The following ADAMTS6 variants were observed in gnomAD, a reference collection of about 807,000 sequenced individuals.
ADAMTS6 encodes the protein ADAM metallopeptidase with thrombospondin type 1 motif 6, also known as A disintegrin and metalloproteinase with thrombospondin motifs 6.
A neutral mutation model predicts 144.3 loss-of-function variants in ADAMTS6; 23 were observed. The observed-to-expected ratio is 0.16, with a 90% CI of 0.11 to 0.23. The LOEUF (loss-of-function observed/expected upper bound fraction) is 0.23, where lower values mean the gene tolerates loss of function less well. Ranked by LOEUF, ADAMTS6 falls within the 10% of genes least tolerant of loss-of-function variation. ADAMTS6 has a pLI of 1.00. For missense variants in ADAMTS6, 999 were observed against 1,379.6 expected (o/e 0.72, Z 4.37); for synonymous variants, 444 against 457.5 (o/e 0.97, Z 0.38).
chr5:65,327,672 A>T (rs1746301330), intron 9 of ADAMTS6, among the ~76,000 whole-genome samples: 1 of 152,206 alleles, frequency 6.6e-6, no homozygotes, highest in African/African-American at 2.4e-5. Context: ...TTTACCTATA[A>T]GGCCAACAAC....
intron 9 of ADAMTS6, among the ~76,000 whole-genome samples, chr5:65,305,026 C>T (rs1743792745): frequency 6.6e-6 from 1 of 150,824 alleles, no homozygotes; most frequent in Non-Finnish European, 1.5e-5. Context: ...CTAATTAGAC[C>T]ATTGTATGAC....
chr5:65,359,509 T>TA (rs1749630199), intron 7 of ADAMTS6, among the ~76,000 whole-genome samples: 1 of 152,132 alleles, frequency 6.6e-6, no homozygotes, highest in Non-Finnish European at 1.5e-5. Context: ...CTCCAAATTT[T>TA]AAAATTGTAA....
chr5:65,367,365 A>G (rs1359998831), intron 7 of ADAMTS6, among the ~76,000 whole-genome samples: 1 of 152,194 alleles, frequency 6.6e-6, no homozygotes, highest in Non-Finnish European at 1.5e-5. Context: ...TATGGGTACA[A>G]TATTGCACTT....
chr5:65,446,677 T>C (rs1561549251), intron 7 of ADAMTS6, among the ~76,000 whole-genome samples: 1 of 152,162 alleles, frequency 6.6e-6, no homozygotes, highest in Non-Finnish European at 1.5e-5. Context: ...TTGAAAACAC[T>C]GTGCTAAGTA....
intron 7 of ADAMTS6, chr5:65,416,281 GAC>G (rs1204865949): frequency 6.5e-6 from 1 of 153,164 alleles, no homozygotes; most frequent in Non-Finnish European, 1.5e-5. Context: ...TTTTTTTAAA[GAC>G]ACAATAACAA....
chr5:65,348,837 T>C (rs926068477), intron 7 of ADAMTS6, among the ~76,000 whole-genome samples: 1 of 152,072 alleles, frequency 6.6e-6, no homozygotes, highest in Admixed American at 6.5e-5. Flanking sequence ...ATTTTTTAAA[T>C]ACAAAAAATA....
At position 65,356,354 on chromosome 5, in the gene ADAMTS6, TCCC is replaced by T. The variant is rs543673555; in HGVS notation, c.1074-22272_1074-22270del. Among the ~76,000 whole-genome samples, 796 of 151,958 alleles carry T rather than the reference TCCC, an allele frequency of 5.2e-3. 9 individuals are homozygous for T. Among genetic ancestry groups the T allele is most frequent in the African/African-American group, 0.019 (774 of 41,516 alleles). On this transcript the variant is annotated intron_variant, in intron 7 of 24. Transcript: ENST00000381055. ...AAACTAGCTGTCATCAATAGAAAGA[TCCC>T]TAATTTTGGCAAACAGGAGAACTCC...
intron 22 of ADAMTS6, among the ~76,000 whole-genome samples, chr5:65,177,746 C>T (rs918160916): frequency 1.3e-5 from 2 of 152,210 alleles, no homozygotes; most frequent in African/African-American, 2.4e-5. Flanking sequence ...TGGTTGGAGT[C>T]GATCAAATAT....
intron 7 of ADAMTS6, among the ~76,000 whole-genome samples, chr5:65,350,063 T>C (rs765391802): frequency 6.6e-6 from 1 of 152,202 alleles, no homozygotes; most frequent in Non-Finnish European, 1.5e-5. Context: ...AATGCTAAAA[T>C]ACGTGTTTAC....
intron 7 of ADAMTS6, chr5:65,415,726 G>A: frequency 4.5e-6 from 1 of 223,754 alleles, no homozygotes; most frequent in Non-Finnish European, 9.1e-6. Flanking sequence ...GGCATTTGTT[G>A]CCACTGGGGA....
chr5:65,223,154 T>A (rs149153202), intron 18 of ADAMTS6, among the ~76,000 whole-genome samples: 4 of 152,216 alleles, frequency 2.6e-5, no homozygotes, highest in Admixed American at 6.5e-5. Flanking sequence ...AAATAATACA[T>A]CCATTTTGGG....
intron 7 of ADAMTS6, among the ~76,000 whole-genome samples, chr5:65,445,187 A>G (rs1323483155): frequency 6.6e-6 from 1 of 152,224 alleles, no homozygotes. Flanking sequence ...CACTGAGGAA[A>G]TAGCATCTTC....
chr5:65,226,471 A>G (rs1359393246), intron 15 of ADAMTS6, among the ~76,000 whole-genome samples: 1 of 151,698 alleles, frequency 6.6e-6, no homozygotes, highest in East Asian at 1.9e-4. Flanking sequence ...TTTATAACAT[A>G]ATTATATATT....
chr5:65,179,883 G>A (rs996420163), intron 22 of ADAMTS6, among the ~76,000 whole-genome samples: 1 of 151,884 alleles, frequency 6.6e-6, no homozygotes, highest in African/African-American at 2.4e-5. Context: ...TAGATTATAA[G>A]CTCCTTAAAA....
intron 18 of ADAMTS6, among the ~76,000 whole-genome samples, chr5:65,222,142 A>G (rs1322429853): frequency 6.6e-6 from 1 of 152,214 alleles, no homozygotes; most frequent in Non-Finnish European, 1.5e-5. Context: ...ATATAGAAAT[A>G]TAAAGGACCT....
At position 65,214,691 on chromosome 5, in the gene ADAMTS6, G is replaced by T; in HGVS notation, c.2575+103C>A. 6.4e-7 allele frequency: 1 copy of T among 1,551,784 alleles called. No individual in the cohort carries two copies. Reference sequence around the variant, plus strand: ...ATTACAGCTTGAAGCAAACCTGCAAGAAATGTTTCCAATTAGCTTTTTTAA... The same window carrying T: ...ATTACAGCTTGAAGCAAACCTGCAATAAATGTTTCCAATTAGCTTTTTTAA... On this transcript the variant is annotated intron_variant, in intron 20 of 24. Coordinates refer to ENST00000381055, the MANE Select transcript of ADAMTS6 (RefSeq NM_197941.4). This position sits in a 1 kb window ranked among gnomAD's most constrained non-coding sequence, Gnocchi z 4.6.
At chr5:65,337,874 T>A (rs1747453898) in intron 7 of ADAMTS6, among the ~76,000 whole-genome samples, 1 of 152,162 alleles carries the variant, frequency 6.6e-6, no homozygotes, top group Non-Finnish European at 1.5e-5. Context: ...TTATCCCAAA[T>A]ATATAATTGG....
chr5:65,189,451 T>C (rs1347445927), intron 21 of ADAMTS6, among the ~76,000 whole-genome samples: 1 of 152,180 alleles, frequency 6.6e-6, no homozygotes, highest in African/African-American at 2.4e-5. Flanking sequence ...CAAGTGAAAT[T>C]AGCTGATTTC....
intron 7 of ADAMTS6, among the ~76,000 whole-genome samples, chr5:65,410,416 A>G (rs1754953446): frequency 6.6e-6 from 1 of 152,214 alleles, no homozygotes. Flanking sequence ...AGTAAAAATT[A>G]TATATATTTA....
Sources: allele counts gnomAD v4.1 joint callset (sites outside exome capture counted in the v4.1 genomes callset), GRCh38; gene constraint gnomAD v4.1.1; non-coding constraint Gnocchi (gnomAD v3.1); transcripts MANE v1.5; gene names NCBI Gene and HGNC (gene_info 2026-07-23, HGNC 2026-07-21).